The following ZNF540 variants were observed in gnomAD, a reference collection of about 807,000 sequenced individuals.
ZNF540 encodes the protein CTD-3064H18.6.
ZNF540 carries 3 observed loss-of-function variants against 11.8 expected under a neutral mutation model. The observed-to-expected ratio is 0.25, with a 90% CI of 0.12 to 0.65. The LOEUF is 0.65. ZNF540 is among the 30% of genes least tolerant of loss of function. The pLI is 0.83. For synonymous variants in ZNF540, 247 were observed against 259.0 expected, an observed-to-expected ratio of 0.95 and a Z score of 0.45; for missense variants, 709 against 793.1, an observed-to-expected ratio of 0.89 and a Z score of 1.27.
At chr19:37,571,744 G>A (rs914870255) in intron 1 of ZNF540, among the ~76,000 whole-genome samples, 1 of 152,116 alleles carries the variant, frequency 6.6e-6, no homozygotes, top group African/African-American at 2.4e-5. Context: ...CTACTAGCTC[G>A]CAGACTACAG....
intron 4 of ZNF540, among the ~76,000 whole-genome samples, chr19:37,604,393 C>T (rs1204472190): frequency 8.4e-5 from 12 of 143,066 alleles, no homozygotes; most frequent in South Asian, 4.6e-4. Flanking sequence ...CTACAAGCTC[C>T]GCCTCCCGGG....
intron 4 of ZNF540, among the ~76,000 whole-genome samples, chr19:37,609,602 C>T (rs1268452516): frequency 4.0e-5 from 6 of 151,840 alleles, no homozygotes; most frequent in Non-Finnish European, 7.4e-5. Context: ...AATCCCAGCT[C>T]TTTGGGAGGC....
At chr19:37,603,137 A>G (rs376502589) in intron 4 of ZNF540, among the ~76,000 whole-genome samples, 5 of 150,844 alleles carry the variant, frequency 3.3e-5, no homozygotes, top group African/African-American at 9.7e-5. Flanking sequence ...CCTCCTGAGT[A>G]GCTGGTATTA....
In ZNF540 at chr19:37,611,813, A is replaced by G. The variant is rs754623631; in HGVS notation, c.533A>G (p.His178Arg). The change falls in exon 5 of 5, where the codon CAT becomes CGT. Residue 178 changes from histidine (H) to arginine (R), a missense_variant. Coordinates refer to ENST00000316433, the MANE Select transcript of ZNF540 (RefSeq NM_001172225.3). ...AGCTGTGACTCACACTTGGTTCAACATGGGAAAATAGATTCTGATGTGAAA... is the reference window on the plus strand; with the variant it reads ...AGCTGTGACTCACACTTGGTTCAACGTGGGAAAATAGATTCTGATGTGAAA... ...EKSCDSHLVQ[H>R]GKIDSDVKHD... is the part of the protein sequence containing the mutation. The G allele has an allele frequency of 5.6e-6, 9 of 1,613,926 alleles. No individual in the cohort carries two copies. The highest frequency in any genetic ancestry group is 1.3e-5 in the African/African-American group (1 of 74,934).
At chr19:37,580,955 T>C (rs1031773183) in intron 1 of ZNF540, among the ~76,000 whole-genome samples, 1 of 152,254 alleles carries the variant, frequency 6.6e-6, no homozygotes, top group Non-Finnish European at 1.5e-5. Context: ...TTAGTTCCAC[T>C]ATAACACTTT....
intron 1 of ZNF540, chr19:37,563,762 CA>C (rs2042754431): frequency 9.5e-5 from 3 of 31,538 alleles, no homozygotes; most frequent in African/African-American, 6.4e-4. Flanking sequence ...ATATATTCCA[CA>C]TACACACATG....
intron 1 of ZNF540, among the ~76,000 whole-genome samples, chr19:37,567,929 T>C (rs935656549): frequency 5.9e-5 from 9 of 152,212 alleles, no homozygotes; most frequent in African/African-American, 2.2e-4. Context: ...GTTTTATTCC[T>C]TTAATATAGT....
At chr19:37,592,969 C>G (rs939284551), upstream of ZNF540, among the ~76,000 whole-genome samples, 1 of 152,178 alleles carries the variant, frequency 6.6e-6, no homozygotes, top group Non-Finnish European at 1.5e-5. Flanking sequence ...AATGTGTGGA[C>G]TCTATCTGGA....
Position 37,583,782 on chromosome 19 carries a change from G to A in ZNF540, c.-72-14594G>A, listed in dbSNP as rs533667542. ...ATTGGCATCAAAGAAGGGAGACACT[G>A]ACAGGAAGTGACAGAGAAAGATGTG... On this transcript the variant is annotated intron_variant, in intron 1 of 4. Coordinates refer to the ZNF540 transcript ENST00000592533. 111 of 519,208 alleles carry A rather than the reference G, an allele frequency of 2.1e-4. 1 individual carries two copies. The East Asian group carries it at 3.7e-3, about 17-fold the overall frequency. 32.2% of individuals were successfully genotyped at this position (519,208 alleles called of 1,614,324 possible).
intron 1 of ZNF540, among the ~76,000 whole-genome samples, chr19:37,559,534 A>AAG (rs2042695298): frequency 6.6e-6 from 1 of 152,190 alleles, no homozygotes; most frequent in African/African-American, 2.4e-5. Context: ...CATTTTGAAA[A>AAG]AGAAAAGCAA....
At chr19:37,597,149 C>T (rs768504942) in intron 1 of ZNF540, among the ~76,000 whole-genome samples, 35 of 151,540 alleles carry the variant, frequency 2.3e-4, no homozygotes, top group Non-Finnish European at 3.8e-4. Flanking sequence ...ATAAGGTATG[C>T]ATCACATAAA....
At chr19:37,562,311 G>C (rs1197375883) in intron 1 of ZNF540, 1 of 152,116 alleles carries the variant, frequency 6.6e-6, no homozygotes, top group East Asian at 1.9e-4. Flanking sequence ...GAACCCAGGG[G>C]TGGAGGTTGC....
rs780254658 is a variant in ZNF540, at chr19:37,613,076, G to T, written c.1796G>T (p.Arg599Ile). The change falls in exon 5 of 5, where the codon AGA becomes ATA. Residue 599 changes from arginine to isoleucine, a missense_variant. By Grantham distance (97) the Arg-to-Ile change is moderately conservative. Coordinates refer to ENST00000316433, the MANE Select transcript of ZNF540 (RefSeq NM_001172225.3). ...AGTGTAGACCTTAGAATACATCAAA[G>T]AATTCATACTGGTGAGAAACCCTAT... ...SRSVDLRIHQ[R>I]IHTGEKPYEC... is the part of the protein sequence containing the mutation. 2 of 1,613,704 alleles carry T rather than the reference G, an allele frequency of 1.2e-6. No individual in the cohort carries two copies. Among genetic ancestry groups the T allele is most frequent in the East Asian group, 2.2e-5 (1 of 44,850 alleles).
rs762563093 is a variant in ZNF540 at position 37,612,043 on chromosome 19, T to C, written c.763T>C (p.Tyr255His). 4 of 1,612,464 alleles carry C rather than the reference T, an allele frequency of 2.5e-6. No individual in the cohort carries two copies. Among genetic ancestry groups the C allele is most frequent in the Non-Finnish European group, 3.4e-6 (4 of 1,179,604 alleles). Reference protein sequence around the residue: ...CQECGKTFTLYPQLNRHQKIH... With the variant: ...CQECGKTFTLHPQLNRHQKIH... ...AGAATGTGGGAAGACCTTTACTCTTTACCCACAACTTAATCGACATCAGAA... is the reference window on the plus strand; with the variant it reads ...AGAATGTGGGAAGACCTTTACTCTTCACCCACAACTTAATCGACATCAGAA... The change falls in exon 5 of 5, where the codon TAC (tyrosine) becomes CAC (histidine). Residue 255 changes from tyrosine to histidine, a missense_variant. Physicochemically the swap from Tyr to His is moderately conservative, Grantham distance 83. Coordinates refer to ENST00000316433, the MANE Select transcript of ZNF540 (RefSeq NM_001172225.3).
intron 1 of ZNF540, chr19:37,565,268 C>A: frequency 6.2e-7 from 1 of 1,611,418 alleles, no homozygotes; most frequent in Non-Finnish European, 8.5e-7. Context: ...AGGTCTCTCA[C>A]CTGAATGAAC....
intron 1 of ZNF540, chr19:37,586,838 AT>A: frequency 1.3e-6 from 1 of 753,522 alleles, no homozygotes; most frequent in Non-Finnish European, 2.2e-6. Flanking sequence ...TCTTTTGGGA[AT>A]TTGGAAAAAA....
intron 4 of ZNF540, 90 bp from the exon 5 acceptor site, chr19:37,611,423 T>C: frequency 9.4e-7 from 1 of 1,067,478 alleles, no homozygotes; most frequent in East Asian, 2.5e-5. Context: ...AAGAACCGTT[T>C]TCACTTTGTT....
intron 1 of ZNF540, among the ~76,000 whole-genome samples, chr19:37,588,025 G>A (rs941862063): frequency 2.0e-5 from 3 of 147,644 alleles, no homozygotes; most frequent in Admixed American, 6.8e-5. Context: ...ACTTGTACGC[G>A]GGAGGTGGAG....
chr19:37,564,339 C>A (rs966493888), intron 1 of ZNF540: 4 of 317,842 alleles, frequency 1.3e-5, no homozygotes, highest in African/African-American at 2.1e-5. Flanking sequence ...AAAGAACACA[C>A]AAGAAATATA....
Sources: gnomAD v4.1 joint callset for allele counts (sites outside exome capture counted in the v4.1 genomes callset) on GRCh38, gnomAD v4.1.1 for gene constraint, MANE v1.5 for transcripts, NCBI Gene and HGNC (gene_info 2026-07-23, HGNC 2026-07-21) for gene names.